NLGN4X: variants seen among roughly 807,000 people sequenced by gnomAD.
NLGN4X encodes neuroligin 4 X-linked, also known as neuroligin-4, X-linked.
Under a neutral mutation model 40.3 loss-of-function variants are expected in NLGN4X, and 3 were observed. The observed-to-expected ratio is 0.07, with a 90% confidence interval of 0.03 to 0.19. The LOEUF (loss-of-function observed/expected upper bound fraction) is 0.19. Ranked by LOEUF, NLGN4X falls within the 10% of genes least tolerant of loss-of-function variation. The probability of loss-of-function intolerance (pLI) is 1.00; values close to 1 mark genes in which losing one functional copy is unlikely to be tolerated. For synonymous variants in NLGN4X, 270 were observed against 306.8 expected (o/e 0.88, Z 1.25); for missense variants, 382 against 708.3 (o/e 0.54, Z 5.23).
At chrX:6,170,961 C>A (rs1297719470) in intron 1 of NLGN4X, among the ~76,000 whole-genome samples, 5 of 111,046 alleles carry the variant, frequency 4.5e-5, no homozygotes, top group Non-Finnish European at 9.4e-5. Flanking sequence ...GTAACTGGGA[C>A]TACAGCCACA....
chrX:5,941,813 T>C (rs754300923), intron 3 of NLGN4X, among the ~76,000 whole-genome samples: 12 of 112,433 alleles, frequency 1.1e-4, no homozygotes, highest in Non-Finnish European at 1.9e-4. Context: ...AAATGAAAAC[T>C]GTATCTTAAT....
chrX:5,934,860 G>A (rs746597039), intron 3 of NLGN4X, among the ~76,000 whole-genome samples: 1 of 112,255 alleles, frequency 8.9e-6, no homozygotes, highest in Admixed American at 9.5e-5. Flanking sequence ...ATGTAATGTA[G>A]TCCACAAATC....
intron 1 of NLGN4X, among the ~76,000 whole-genome samples, chrX:6,172,138 G>T (rs2040619754): frequency 9.0e-6 from 1 of 111,512 alleles, no homozygotes; most frequent in African/African-American, 3.3e-5. Context: ...CCAGTCTCGG[G>T]TATTTCTTTA....
intron 2 of NLGN4X, among the ~76,000 whole-genome samples, chrX:6,054,690 T>C (rs1454763797): frequency 3.6e-5 from 4 of 111,213 alleles, no homozygotes; most frequent in South Asian, 3.9e-4. Context: ...AGTTTTTTGC[T>C]TGTTTTGCCC....
intron 1 of NLGN4X, among the ~76,000 whole-genome samples, chrX:6,215,763 C>A (rs2147889602): frequency 9.0e-6 from 1 of 111,434 alleles, no homozygotes; most frequent in Non-Finnish European, 1.9e-5. Flanking sequence ...TTTTACCTTT[C>A]CAAATTGGAA....
At chrX:5,991,607 C>T (rs1297298599) in intron 3 of NLGN4X, 5 of 456,284 alleles carry the variant, frequency 1.1e-5, no homozygotes, top group Non-Finnish European at 2.0e-5. Flanking sequence ...CCTTTCTCAG[C>T]ATGCAGTGTT....
At position 6,217,503 on chromosome X, in the gene NLGN4X, G is replaced by A. The variant is rs755435607; in HGVS notation, c.-306+11038C>T. Among the ~76,000 whole-genome samples, 3 of 111,973 alleles carry A rather than the reference G, an allele frequency of 2.7e-5. No individual in the cohort carries two copies. In the South Asian group the frequency reaches 1.1e-3, roughly 42 times the overall value. The stretch of plus-strand genomic sequence containing the variant: ...AATTGTCATGACAGACTGAATCATA[G>A]TACACAACCACTGTCACACAAATTC... On this transcript the variant is annotated intron_variant, in intron 1 of 5. Transcript: ENST00000381095.
chrX:5,952,331 G>C (rs776143425), intron 3 of NLGN4X, among the ~76,000 whole-genome samples: 44 of 112,109 alleles, frequency 3.9e-4, no homozygotes, highest in African/African-American at 1.4e-3. Context: ...GAATGTGGAT[G>C]TGATGTTAGG....
chrX:6,027,600 T>C (rs1367347081), intron 3 of NLGN4X, among the ~76,000 whole-genome samples: 1 of 109,478 alleles, frequency 9.1e-6, no homozygotes. Flanking sequence ...TTAGGGTTTC[T>C]CAGCAATTCA....
intron 3 of NLGN4X, among the ~76,000 whole-genome samples, chrX:5,911,920 A>T (rs749662586): frequency 1.9e-4 from 21 of 111,837 alleles, no homozygotes; most frequent in Non-Finnish European, 3.0e-4. Context: ...TTAAAACTAA[A>T]CCACCTTTGT....
At chrX:6,105,769 T>G (rs1488130228) in intron 2 of NLGN4X, among the ~76,000 whole-genome samples, 1 of 112,077 alleles carries the variant, frequency 8.9e-6, no homozygotes, top group Non-Finnish European at 1.9e-5. Context: ...ATTTGCATAA[T>G]CATCCATGAA....
intron 2 of NLGN4X, among the ~76,000 whole-genome samples, chrX:6,033,980 T>A (rs1014270122): frequency 1.8e-5 from 2 of 112,448 alleles, no homozygotes; most frequent in African/African-American, 3.2e-5. Context: ...GAAAATACTG[T>A]CATCTCCAAC....
At chrX:6,116,387 CTTTCTTTTTTTTTTTTTT>C (rs2039295296) in intron 2 of NLGN4X, among the ~76,000 whole-genome samples, 1 of 29,533 alleles carries the variant, frequency 3.4e-5, no homozygotes, top group African/African-American at 1.2e-4. Flanking sequence ...TTGAACCTTT[CTTTCTTTTTTTTTTTTTT>C]TTTTTTTTTT....
At chrX:6,149,588 G>A (rs2040122358) in intron 2 of NLGN4X, among the ~76,000 whole-genome samples, 3 of 111,568 alleles carry the variant, frequency 2.7e-5, no homozygotes, top group African/African-American at 9.8e-5. Flanking sequence ...AACACCCCAT[G>A]GAAGTACAGC....
At chrX:5,927,722 T>C (rs1278859862) in intron 3 of NLGN4X, among the ~76,000 whole-genome samples, 2 of 112,288 alleles carry the variant, frequency 1.8e-5, no homozygotes, top group Non-Finnish European at 3.8e-5. Context: ...ACTTGAAGGA[T>C]TTTACCTGGG....
chrX:5,979,765 T>TACACACATACATATATATGTGTATATAC (rs2035321386), intron 3 of NLGN4X, among the ~76,000 whole-genome samples: 6 of 101,053 alleles, frequency 5.9e-5, no homozygotes, highest in Admixed American at 5.2e-4. Flanking sequence ...TGTGTATATA[T>TACACACATACATATATATGTGTATATAC]ACACACATAC....
At chrX:5,925,281 A>C (rs1258384823) in intron 3 of NLGN4X, among the ~76,000 whole-genome samples, 1 of 112,213 alleles carries the variant, frequency 8.9e-6, no homozygotes. Context: ...AAATACGTAT[A>C]TATATCTGAA....
chrX:6,193,966 T>C (rs747894624), intron 1 of NLGN4X, among the ~76,000 whole-genome samples: 1 of 112,244 alleles, frequency 8.9e-6, no homozygotes, highest in South Asian at 3.7e-4. Flanking sequence ...TGCAGAGATG[T>C]TTTGCTGTGG....
chrX:6,072,307 G>A (rs947986512), intron 2 of NLGN4X, among the ~76,000 whole-genome samples: 1 of 111,367 alleles, frequency 9.0e-6, no homozygotes, highest in Non-Finnish European at 1.9e-5. Context: ...AACCAATGCA[G>A]AGAACGCCCC....
Sources: allele counts gnomAD v4.1 joint callset (sites outside exome capture counted in the v4.1 genomes callset), GRCh38; gene constraint gnomAD v4.1.1; transcripts MANE v1.5; gene names NCBI Gene and HGNC (gene_info 2026-07-23, HGNC 2026-07-21).